MED22: variants seen among roughly 807,000 people sequenced by gnomAD.
The protein encoded by MED22 is mediator of RNA polymerase II transcription subunit 22.
A neutral mutation model predicts 22.7 loss-of-function variants in MED22; 22 were observed. The observed-to-expected ratio is 0.97, with a 90% CI of 0.69 to 1.38. The LOEUF is 1.38. MED22 is among the 40% of genes most tolerant of loss of function. The pLI, the probability that MED22 is intolerant of heterozygous loss-of-function variation, is 0.00. For missense variants in MED22, 247 were observed against 263.0 expected, an observed-to-expected ratio of 0.94 and a Z score of 0.42; for synonymous variants, 134 against 119.4, an observed-to-expected ratio of 1.12 and a Z score of -0.80.
rs2129948749 is a variant in MED22 at position 133,341,511 on chromosome 9, G to A, written c.597C>T (p.His199=). 31 of 1,512,524 alleles carry A rather than the reference G, an allele frequency of 2.0e-5. No individual in the cohort carries two copies. Among genetic ancestry groups the A allele is most frequent in the African/African-American group, 1.3e-4 (9 of 68,600 alleles). 93.7% of individuals were successfully genotyped at this position (1,512,524 alleles called of 1,614,324 possible). A position where few individuals can be genotyped will look rare whatever the true frequency, so the allele number is the denominator to read the frequency against. The change falls in exon 5 of 5, where the codon CAC becomes CAT. Residue 199 remains histidine (H), a synonymous_variant. Transcript: ENST00000343730. ...SHAGGPGPTE[H]A ...GAAGCGTGGCCCCGGAGGCTCAGGC[G>A]TGCTCAGTGGGGCCAGGGCCACCAG...
chr9:133,344,101 T>C (rs2129959280), intron 4 of MED22, 24 bp downstream of exon 4: 6 of 1,612,802 alleles, frequency 3.7e-6, no homozygotes, highest in African/African-American at 1.3e-5. Flanking sequence ...CCGCTCTGCA[T>C]GGGGAGTCCA....
Position 133,344,218 on chromosome 9 carries a change from G to A in MED22, c.320C>T (p.Thr107Ile), listed in dbSNP as rs2129960631. 1.9e-6 allele frequency: 3 copies of A among 1,614,200 alleles called. No homozygotes were observed. Among genetic ancestry groups the A allele is most frequent in the South Asian group, 1.1e-5 (1 of 91,084 alleles). ...CTTCCGGTCGCACTCCTCCTGCAGT[G>A]TGCGCAGCTGCTGGTTGCGCTGGTC... is the stretch of plus-strand genomic sequence containing the variant. Reference protein sequence around the residue: ...AIDQRNQQLRTLQEECDRKLI... With the variant: ...AIDQRNQQLRILQEECDRKLI... Residue 107 changes from threonine (T) to isoleucine (I), a missense_variant, in exon 4 of 5, where the codon ACA becomes ATA. Coordinates refer to ENST00000343730, the MANE Select transcript of MED22 (RefSeq NM_133640.5).
rs1836123425 is a variant in MED22, at chr9:133,344,463, AC to A, written c.205-131del. On this transcript the variant is annotated intron_variant, in intron 3 of 4. Coordinates refer to ENST00000343730, the MANE Select transcript of MED22 (RefSeq NM_133640.5). ...TTCCTCATCTGCAAAGTGGGACTCTACCCCTGACCTCCACAGGTTCATGTGT... is the reference window on the plus strand; with the variant it reads ...TTCCTCATCTGCAAAGTGGGACTCTACCCTGACCTCCACAGGTTCATGTGT... The A allele has an allele frequency of 8.5e-6, 7 of 826,280 alleles. No homozygotes were observed. In the East Asian group the frequency reaches 1.9e-4, roughly 22 times the overall value. 51.2% of individuals were successfully genotyped at this position (826,280 alleles called of 1,614,324 possible).
chr9:133,341,518 G>A lies in MED22; in HGVS notation c.590C>T (p.Thr197Ile). Residue 197 changes from threonine to isoleucine, a missense_variant, in exon 5 of 5, where the codon ACT becomes ATT. Thr to Ile is a moderately conservative substitution (Grantham distance 89). Transcript: ENST00000343730. Reference protein sequence around the residue: ...AHSHAGGPGPTEHA With the variant: ...AHSHAGGPGPIEHA ...GGCCCCGGAGGCTCAGGCGTGCTCAGTGGGGCCAGGGCCACCAGCATGGGA... is the reference window on the plus strand; with the variant it reads ...GGCCCCGGAGGCTCAGGCGTGCTCAATGGGGCCAGGGCCACCAGCATGGGA... The A allele has an allele frequency of 1.3e-6, 2 of 1,518,900 alleles. No homozygotes were observed. The highest frequency in any genetic ancestry group is 1.7e-6 in the Non-Finnish European group (2 of 1,143,962). 94.1% of individuals were successfully genotyped at this position (1,518,900 alleles called of 1,614,324 possible).
Position 133,347,923 on chromosome 9 carries a change from C to T in MED22, c.-40G>A, listed in dbSNP as rs1588682348. The stretch of plus-strand genomic sequence containing the variant: ...CCACCCCCCACCACACCCTCATACC[C>T]GCCCCAGCGCCCGCACACCAGACGC... On this transcript the variant is annotated splice_region_variant and 5_prime_UTR_variant, in exon 1 of 5. Coordinates refer to ENST00000343730, the MANE Select transcript of MED22 (RefSeq NM_133640.5). 8.6e-6 allele frequency: 2 copies of T among 231,622 alleles called. No individual in the cohort carries two copies. The highest frequency in any genetic ancestry group is 2.9e-4 in the East Asian group (2 of 6,818). The allele number at this position is 231,622 out of a possible 1,614,324, so 14.3% of individuals were successfully genotyped here.
At chr9:133,343,873 G>T (rs782266371) in intron 4 of MED22, 2 of 1,417,602 alleles carry the variant, frequency 1.4e-6, no homozygotes, top group Non-Finnish European at 1.8e-6. Flanking sequence ...CTCCAGACTC[G>T]GCCTATCCGA....
intron 1 of MED22, chr9:133,347,691 GCGC>G (rs1217565253): frequency 1.3e-5 from 2 of 152,796 alleles, no homozygotes; most frequent in African/African-American, 4.8e-5. Flanking sequence ...GGGCCTTTGC[GCGC>G]GGTGCTCAGG....
At chr9:133,343,844 A>G in intron 4 of MED22, 1 of 1,412,276 alleles carries the variant, frequency 7.1e-7, no homozygotes, top group Non-Finnish European at 9.2e-7. Flanking sequence ...TGCGGGGGAT[A>G]CAGCCAGGCG....
rs1485108258 is a variant in MED22 at position 133,343,686 on chromosome 9, G to A, written c.413+439C>T. The A allele has an allele frequency of 6.9e-5, 87 of 1,260,740 alleles. No homozygotes were observed. In the East Asian group the frequency reaches 2.0e-3, roughly 29 times the overall value. 78.1% of individuals were successfully genotyped at this position (1,260,740 alleles called of 1,614,324 possible). On this transcript the variant is annotated intron_variant, in intron 4 of 4. Transcript: ENST00000343730. ...GACATCCACATGGAATTGCATCCCTGGTGCCCTGGACATAGGTGTGGACCT... is the reference window on the plus strand; with the variant it reads ...GACATCCACATGGAATTGCATCCCTAGTGCCCTGGACATAGGTGTGGACCT...
rs114815562 is a variant in MED22, at chr9:133,342,617, C to T, written c.414-923G>A. On this transcript the variant is annotated intron_variant, in intron 4 of 4. Coordinates refer to ENST00000343730, the MANE Select transcript of MED22 (RefSeq NM_133640.5). ...CCAGCAAGAAGGGGCAGAGGAAACTCGGCCAGGACCTGGTCGCTTAAAGGC... is the reference window on the plus strand; with the variant it reads ...CCAGCAAGAAGGGGCAGAGGAAACTTGGCCAGGACCTGGTCGCTTAAAGGC... The T allele has an allele frequency of 4.9e-4, 480 of 986,180 alleles. 4 individuals carry two copies. The African/African-American group carries it at 7.1e-3, about 15-fold the overall frequency. 61.1% of individuals were successfully genotyped at this position (986,180 alleles called of 1,614,324 possible).
intron 4 of MED22, chr9:133,343,557 G>A (rs1435529320): frequency 2.7e-5 from 34 of 1,241,852 alleles, no homozygotes; most frequent in Middle Eastern, 3.1e-4. Flanking sequence ...ATAAGGCTGA[G>A]TGGGTCACGA....
Position 133,342,496 on chromosome 9 carries a change from G to A in MED22, c.414-802C>T, listed in dbSNP as rs2129953550. The A allele has an allele frequency of 1.8e-5, 18 of 986,918 alleles. No homozygotes were observed. In the African/African-American group the frequency reaches 2.4e-4, roughly 13 times the overall value. 61.1% of individuals were successfully genotyped at this position (986,918 alleles called of 1,614,324 possible). On this transcript the variant is annotated intron_variant, in intron 4 of 4. Coordinates refer to ENST00000343730, the MANE Select transcript of MED22 (RefSeq NM_133640.5). The stretch of plus-strand genomic sequence containing the variant: ...CAAAGGAGAGGCAGAGCCAGAAAGA[G>A]CAACTAACAAGCAGAGAGGGGGCAG...
Position 133,346,685 on chromosome 9 carries a change from C to T in MED22, c.-23G>A, listed in dbSNP as rs1333325442. 2 of 1,608,534 alleles carry T rather than the reference C, an allele frequency of 1.2e-6. No homozygotes were observed. Among genetic ancestry groups the T allele is most frequent in the Non-Finnish European group, 1.7e-6 (2 of 1,179,604 alleles). On this transcript the variant is annotated 5_prime_UTR_variant, in exon 2 of 5. Transcript: ENST00000343730. ...CATGGCCGAGCCTCAAGCAGCGCAG[C>T]GGGGAGACCTGGGACCTAGAGTGCA...
intron 4 of MED22, chr9:133,342,143 C>A (rs2129952195): frequency 2.0e-5 from 20 of 1,004,998 alleles, no homozygotes; most frequent in Non-Finnish European, 2.4e-5. Flanking sequence ...TGGGTCTGTC[C>A]CTGCCTGAGA....
intron 4 of MED22, 162 bp from the exon 5 acceptor site, chr9:133,341,856 G>A: frequency 7.2e-7 from 1 of 1,396,438 alleles, no homozygotes; most frequent in Non-Finnish European, 9.2e-7. Context: ...TGAGTTGGCA[G>A]GCCTGGCAAG....
At chr9:133,346,077 G>A (rs1044407340) in intron 2 of MED22, among the ~76,000 whole-genome samples, 4 of 152,176 alleles carry the variant, frequency 2.6e-5, no homozygotes, top group Non-Finnish European at 4.4e-5. Context: ...CATCATCATC[G>A]CTTATGGAGC....
Position 133,339,699 on chromosome 9 carries a change from GT to G in MED22, c.*1805del. 1 of 305,406 alleles carries G rather than the reference GT, an allele frequency of 3.3e-6. No homozygotes were observed. The highest frequency in any genetic ancestry group is 3.3e-5 in the South Asian group (1 of 30,408). The allele number at this position is 305,406 out of a possible 1,614,324, so 18.9% of individuals were successfully genotyped here. On this transcript the variant is annotated 3_prime_UTR_variant, in exon 5 of 5. Transcript: ENST00000343730. ...AAAATAAAAAGCTTGGGATAAAAGA[GT>G]TACATGGACTGAGAATGGGCCGGGG...
rs2129959619 is a variant in MED22 at position 133,344,137 on chromosome 9, T to C, written c.401A>G (p.Tyr134Cys). 6.2e-7 allele frequency: 1 copy of C among 1,614,148 alleles called. No individual in the cohort carries two copies. The highest frequency in any genetic ancestry group is 1.7e-5 in the Admixed American group (1 of 60,028). ...SIDLYELEEE[Y>C]YSSSSSLCEA... ...GCGCTATTTATACCTGGACGAGTAA[T>C]ACTCCTCCTCCAGCTCGTAGAGGTC... The change falls in exon 4 of 5, where the codon TAT becomes TGT. Residue 134 changes from tyrosine to cysteine, a missense_variant. Transcript: ENST00000343730.
intron 4 of MED22, chr9:133,342,297 G>A (rs1223098838): frequency 9.1e-6 from 9 of 986,142 alleles, no homozygotes; most frequent in Non-Finnish European, 1.1e-5. Flanking sequence ...GAAGAGCTCA[G>A]CTAGCCCTTC....
Sources: gnomAD v4.1 joint callset for allele counts (sites outside exome capture counted in the v4.1 genomes callset) on GRCh38, gnomAD v4.1.1 for gene constraint, MANE v1.5 for transcripts, NCBI Gene and HGNC (gene_info 2026-07-23, HGNC 2026-07-21) for gene names.